The following DRAM1 variants were observed in gnomAD, a reference collection of about 807,000 sequenced individuals.
The protein encoded by DRAM1 is DNA damage regulated autophagy modulator 1, also known as DNA damage-regulated autophagy modulator protein 1.
In DRAM1, 25 loss-of-function variants were observed where a neutral mutation model predicts 28.5. That is an observed-to-expected ratio of 0.88 (90% CI 0.64 to 1.23). The LOEUF is 1.23. Among genes scored for constraint, DRAM1 ranks in the 50% most tolerant of loss-of-function variants. The pLI is 0.00. For synonymous variants in DRAM1, 113 were observed against 114.2 expected, an observed-to-expected ratio of 0.99 and a Z score of 0.07; for missense variants, 249 against 299.2, an observed-to-expected ratio of 0.83 and a Z score of 1.24.
rs58464864 is a variant in DRAM1, at chr12:101,923,093, A to AAAATAAATAAATAAAT, written c.*1838_*1853dup. The AAAATAAATAAATAAAT allele has an allele frequency of 9.9e-5, 15 of 151,982 alleles. No homozygotes were observed. Among genetic ancestry groups the AAAATAAATAAATAAAT allele is most frequent in the African/African-American group, 3.4e-4 (14 of 41,266 alleles). 9.4% of individuals were successfully genotyped at this position (151,982 alleles called of 1,614,324 possible). A position where few individuals can be genotyped will look rare whatever the true frequency, so the allele number is the denominator to read the frequency against. ...GGCAACAGAGTGAGACCCTGTCTCAAAAATAAATAAATAAATAAATGAATA... is the reference window on the plus strand; with the variant it reads ...GGCAACAGAGTGAGACCCTGTCTCAAAAATAAATAAATAAATAAATAAATAAATAAATAAATGAATA... On this transcript the variant is annotated 3_prime_UTR_variant, in exon 7 of 7. Transcript: ENST00000258534.
chr12:101,879,242 CT>C (rs1872606277), intron 1 of DRAM1, among the ~76,000 whole-genome samples: 1 of 152,164 alleles, frequency 6.6e-6, no homozygotes, highest in Non-Finnish European at 1.5e-5. Context: ...AAGTGATCCT[CT>C]TGCCTTGGCC....
intron 4 of DRAM1, among the ~76,000 whole-genome samples, chr12:101,910,726 G>A (rs375868076): frequency 9.9e-5 from 15 of 151,646 alleles, no homozygotes; most frequent in East Asian, 9.8e-4. Context: ...TGATCCACCC[G>A]CCTCAGCCTC....
intron 1 of DRAM1, among the ~76,000 whole-genome samples, chr12:101,887,147 A>AAG (rs1213848436): frequency 6.6e-6 from 1 of 150,526 alleles, no homozygotes; most frequent in Non-Finnish European, 1.5e-5. Flanking sequence ...CTCCGTTTCA[A>AAG]AAAAAAAAAA....
chr12:101,888,907 T>C (rs1872991793), intron 1 of DRAM1, among the ~76,000 whole-genome samples: 1 of 149,410 alleles, frequency 6.7e-6, no homozygotes, highest in Non-Finnish European at 1.5e-5. Context: ...CGGGCTCAAG[T>C]GATCCTCCTA....
intron 4 of DRAM1, 33 bp from the exon 5 acceptor site, chr12:101,914,141 G>A: frequency 2.0e-6 from 3 of 1,492,968 alleles, no homozygotes; most frequent in South Asian, 1.2e-5. Context: ...ACTGTTGTGT[G>A]CTGTAGTTTC....
chr12:101,918,438 G>GTA, intron 5 of DRAM1, among the ~76,000 whole-genome samples: 2 of 152,218 alleles, frequency 1.3e-5, no homozygotes, highest in East Asian at 1.9e-4. Context: ...GAAGGAGGAA[G>GTA]CCTCTGTTCT....
At chr12:101,913,329 A>G (rs1874110889) in intron 4 of DRAM1, among the ~76,000 whole-genome samples, 1 of 152,134 alleles carries the variant, frequency 6.6e-6, no homozygotes, top group Admixed American at 6.5e-5. Flanking sequence ...TAAAGATAAT[A>G]GTTTGAGTTT....
chr12:101,905,950 T>G (rs1424156249), intron 3 of DRAM1, among the ~76,000 whole-genome samples: 1 of 152,042 alleles, frequency 6.6e-6, no homozygotes, highest in Non-Finnish European at 1.5e-5. Flanking sequence ...CCACCACGCC[T>G]GGCTAGTTTT....
intron 4 of DRAM1, among the ~76,000 whole-genome samples, chr12:101,910,184 A>G (rs1873985870): frequency 6.6e-6 from 1 of 152,224 alleles, no homozygotes; most frequent in Non-Finnish European, 1.5e-5. Flanking sequence ...GAAATTTACC[A>G]ACAAAATATA....
At chr12:101,881,564 G>A (rs180940343) in intron 1 of DRAM1, among the ~76,000 whole-genome samples, 2 of 152,130 alleles carry the variant, frequency 1.3e-5, no homozygotes, top group East Asian at 3.9e-4. Flanking sequence ...CTTCAACCAC[G>A]CTGGCCTTGT....
chr12:101,912,488 G>A lies in DRAM1; in HGVS notation c.521-1686G>A, dbSNP rs918877528. On this transcript the variant is annotated intron_variant, in intron 4 of 6. Coordinates refer to ENST00000258534, the MANE Select transcript of DRAM1 (RefSeq NM_018370.3). ...TTTCCCTTCTCCCACCCCCAGACCA[G>A]AATGGTACCTGGTGCACTGAAGATG... Among the ~76,000 whole-genome samples, 3 of 152,172 alleles carry A rather than the reference G, an allele frequency of 2.0e-5. No homozygotes were observed. In the East Asian group the frequency reaches 5.8e-4, roughly 29 times the overall value.
At chr12:101,893,957 G>A (rs758197732) in intron 1 of DRAM1, among the ~76,000 whole-genome samples, 7 of 151,340 alleles carry the variant, frequency 4.6e-5, no homozygotes, top group African/African-American at 1.7e-4. Context: ...TTGAGACAAG[G>A]TCTCACTCTG....
chr12:101,891,538 A>T (rs1873125500), intron 1 of DRAM1, among the ~76,000 whole-genome samples: 1 of 152,258 alleles, frequency 6.6e-6, no homozygotes, highest in Non-Finnish European at 1.5e-5. Context: ...AGTTTGAAGT[A>T]GGATGTTACA....
At chr12:101,909,613 T>C (rs1387273537) in intron 4 of DRAM1, among the ~76,000 whole-genome samples, 2 of 152,222 alleles carry the variant, frequency 1.3e-5, no homozygotes, top group Admixed American at 1.3e-4. Context: ...CACTTATTAC[T>C]GAGTAAATTA....
At chr12:101,897,996 A>G (rs748396996) in intron 2 of DRAM1, 66 bp downstream of exon 2, 56 of 916,024 alleles carry the variant, frequency 6.1e-5, no homozygotes, top group Non-Finnish European at 9.0e-5. Context: ...TTGATGTGTC[A>G]TTTGTAGTTT....
chr12:101,915,596 G>A (rs985323851), intron 5 of DRAM1, among the ~76,000 whole-genome samples: 3 of 151,190 alleles, frequency 2.0e-5, no homozygotes, highest in Non-Finnish European at 4.4e-5. Flanking sequence ...AGGCTGGAGT[G>A]CAATGGCGCG....
rs12313274 is a variant in DRAM1, at chr12:101,880,132, C to T, written c.131+2212C>T. The stretch of plus-strand genomic sequence containing the variant: ...GTGGGATCACAGCTCACTGCAGCCT[C>T]GACCTCCTGGGCTCCATTGATCCTC... On this transcript the variant is annotated intron_variant, in intron 1 of 6. Coordinates refer to ENST00000258534, the MANE Select transcript of DRAM1 (RefSeq NM_018370.3). Among the ~76,000 whole-genome samples, 10 of 152,026 alleles carry T rather than the reference C, an allele frequency of 6.6e-5. No homozygotes were observed. The South Asian group carries it at 8.3e-4, about 13-fold the overall frequency.
intron 5 of DRAM1, among the ~76,000 whole-genome samples, chr12:101,915,181 G>A (rs191375774): frequency 0.024 from 3,629 of 151,666 alleles, 144 homozygotes; most frequent in African/African-American, 0.083. Context: ...GGGTTTCACC[G>A]TATTAGCCAG....
chr12:101,912,339 C>G (rs1874071943), intron 4 of DRAM1, among the ~76,000 whole-genome samples: 1 of 152,194 alleles, frequency 6.6e-6, no homozygotes, highest in Non-Finnish European at 1.5e-5. Flanking sequence ...TTCTCCCATT[C>G]CATTCTGAAT....
Sources: gnomAD v4.1 joint callset for allele counts (sites outside exome capture counted in the v4.1 genomes callset) on GRCh38, gnomAD v4.1.1 for gene constraint, MANE v1.5 for transcripts, NCBI Gene and HGNC (gene_info 2026-07-23, HGNC 2026-07-21) for gene names.